The following CFAP54 variants were observed in gnomAD, a reference collection of about 807,000 sequenced individuals.
CFAP54 encodes the protein cilia and flagella associated protein 54.
Under a neutral mutation model 370.4 loss-of-function variants are expected in CFAP54, and 290 were observed. The observed-to-expected ratio is 0.78, with a 90% confidence interval of 0.71 to 0.86. The LOEUF is 0.86. Ranked by LOEUF, CFAP54 falls within the 40% of genes least tolerant of loss-of-function variation. The pLI, the probability that CFAP54 is intolerant of heterozygous loss-of-function variation, is 0.00. For synonymous variants in CFAP54, 1,206 were observed against 1,236.5 expected (o/e 0.98, Z 0.52); for missense variants, 3,399 against 3,528.7 (o/e 0.96, Z 0.93).
intron 11 of CFAP54, among the ~76,000 whole-genome samples, chr12:96,535,048 GTGTGTTTA>G (rs1478196480): frequency 8.6e-5 from 12 of 138,812 alleles, no homozygotes; most frequent in African/African-American, 3.0e-4. Context: ...GTGTGTGTGT[GTGTGTTTA>G]TTTATTTATT....
chr12:96,824,960 A>G (rs1182850799), intron 65 of CFAP54, among the ~76,000 whole-genome samples: 2 of 151,892 alleles, frequency 1.3e-5, no homozygotes, highest in Non-Finnish European at 2.9e-5. Context: ...CACACCTGCA[A>G]TGAGGATCAT....
chr12:96,600,964 C>A (rs1274057895), intron 26 of CFAP54, among the ~76,000 whole-genome samples: 1 of 152,036 alleles, frequency 6.6e-6, no homozygotes, highest in African/African-American at 2.4e-5. Context: ...TTTCTCTTAC[C>A]CGATTGACCT....
At chr12:96,518,880 T>C (rs910211083) in intron 5 of CFAP54, 48 bp from the exon 6 acceptor site, 82 of 1,475,744 alleles carry the variant, frequency 5.6e-5, no homozygotes, top group Non-Finnish European at 7.1e-5. Context: ...CAATTATCAT[T>C]ATTAACTTCA....
rs576257040 is a variant in CFAP54 at position 96,538,671 on chromosome 12, G to A, written c.1926+153G>A. ...ATATAAAGAAGATATTCTTTCTAGC[G>A]CTGAGTGACCCTTTCTTTTAATGTG... On this transcript the variant is annotated intron_variant, in intron 13 of 67. Coordinates refer to ENST00000524981, the MANE Select transcript of CFAP54 (RefSeq NM_001306084.2). 4.3e-5 allele frequency: 31 copies of A among 722,476 alleles called. No individual in the cohort carries two copies. The East Asian group carries it at 6.7e-4, about 16-fold the overall frequency. The allele number at this position is 722,476 out of a possible 1,614,324, so 44.8% of individuals were successfully genotyped here.
At chr12:96,642,002 C>A (rs570226962) in intron 32 of CFAP54, among the ~76,000 whole-genome samples, 42 of 151,648 alleles carry the variant, frequency 2.8e-4, no homozygotes, top group Non-Finnish European at 4.6e-4. Context: ...TGGGTGCAGC[C>A]CACCAACATG....
intron 60 of CFAP54, among the ~76,000 whole-genome samples, chr12:96,784,392 T>A (rs1958609214): frequency 6.6e-6 from 1 of 152,184 alleles, no homozygotes; most frequent in Non-Finnish European, 1.5e-5. Context: ...TTTCTATGAA[T>A]TGCCTGTTGA....
chr12:96,552,966 A>G (rs1955711193), intron 15 of CFAP54, among the ~76,000 whole-genome samples: 1 of 152,194 alleles, frequency 6.6e-6, no homozygotes, highest in Admixed American at 6.5e-5. Context: ...TGAGTTTACC[A>G]GGCATGCTGA....
Position 96,658,082 on chromosome 12 carries a change from CAT to C in CFAP54, c.5302_5303del (p.Ile1768SerfsTer8). 6.2e-7 allele frequency: 1 copy of C among 1,613,194 alleles called. No individual in the cohort carries two copies. ...EKWETLVSLA[I>X]QFNTVSHERY... is the part of the protein sequence containing the mutation. Reference sequence around the variant, plus strand: ...AATGGGAAACACTAGTATCTCTTGCCATTCAGTTCAATACAGTTTCACAGTAA... The same window carrying C: ...AATGGGAAACACTAGTATCTCTTGCCTCAGTTCAATACAGTTTCACAGTAA... On this transcript the variant is annotated frameshift_variant, in exon 37 of 68. Transcript: ENST00000524981. LOFTEE classifies it high-confidence loss of function.
At chr12:96,651,894 G>GTTTTT in intron 36 of CFAP54, 79 bp downstream of exon 36, 2 of 689,816 alleles carry the variant, frequency 2.9e-6, no homozygotes, top group Non-Finnish European at 4.6e-6. Flanking sequence ...AGTAGAAACT[G>GTTTTT]TTTTTTTTTT....
chr12:96,521,312 G>T (rs1380862849), intron 6 of CFAP54, among the ~76,000 whole-genome samples: 1 of 152,168 alleles, frequency 6.6e-6, no homozygotes, highest in African/African-American at 2.4e-5. Context: ...ATGGTGATAT[G>T]ATTAAATAAG....
At chr12:96,617,871 TC>T (rs796404630) in intron 26 of CFAP54, among the ~76,000 whole-genome samples, 11 of 151,114 alleles carry the variant, frequency 7.3e-5, no homozygotes, top group African/African-American at 2.4e-4. Context: ...GCGCCTGTAG[TC>T]CCAGCTACTC....
chr12:96,858,047 T>C (rs1341782585), intron 66 of CFAP54, among the ~76,000 whole-genome samples: 1 of 152,254 alleles, frequency 6.6e-6, no homozygotes, highest in Non-Finnish European at 1.5e-5. Context: ...CTGGGTCTAA[T>C]GATAGTTCCA....
chr12:96,641,938 CG>C (rs943538650), intron 32 of CFAP54, among the ~76,000 whole-genome samples: 1 of 137,734 alleles, frequency 7.3e-6, no homozygotes, highest in African/African-American at 2.7e-5. Context: ...TGGGGTGGTG[CG>C]GGGGGGGAGG....
chr12:96,670,622 G>C (rs372509848), intron 39 of CFAP54, among the ~76,000 whole-genome samples: 41 of 152,288 alleles, frequency 2.7e-4, no homozygotes, highest in African/African-American at 9.6e-4. Context: ...AACAGAGGAA[G>C]AGCAGGACTT....
rs192427825 is a variant in CFAP54 at position 96,577,709 on chromosome 12, A to T, written c.2796+948A>T. 3.1e-3 allele frequency among the ~76,000 whole-genome samples: 477 copies of T among 151,996 alleles called. 3 individuals carry two copies. Among genetic ancestry groups the T allele is most frequent in the African/African-American group, 0.011 (436 of 41,448 alleles). On this transcript the variant is annotated intron_variant, in intron 20 of 67. Coordinates refer to ENST00000524981, the MANE Select transcript of CFAP54 (RefSeq NM_001306084.2). ...TGAGATAATATATAATATTCTTGGC[A>T]TATTAGCTGATATCTTTCCACTTCT... is the stretch of plus-strand genomic sequence containing the variant.
intron 14 of CFAP54, among the ~76,000 whole-genome samples, chr12:96,541,327 C>T (rs1955567547): frequency 1.3e-5 from 2 of 149,704 alleles, no homozygotes; most frequent in African/African-American, 4.9e-5. Flanking sequence ...GCTCTGTTGC[C>T]CAGGCTGGAG....
At chr12:96,726,569 T>C (rs1957840779) in intron 50 of CFAP54, among the ~76,000 whole-genome samples, 1 of 152,140 alleles carries the variant, frequency 6.6e-6, no homozygotes, top group African/African-American at 2.4e-5. Flanking sequence ...TCTCTCTTTT[T>C]TTCTTTATTA....
At chr12:96,766,642 A>G (rs1251957816) in intron 60 of CFAP54, among the ~76,000 whole-genome samples, 1 of 152,156 alleles carries the variant, frequency 6.6e-6, no homozygotes, top group Non-Finnish European at 1.5e-5. Context: ...AATCTACTCT[A>G]GAATCTGAGG....
chr12:96,859,692 A>G (rs1163136628), intron 66 of CFAP54, among the ~76,000 whole-genome samples: 3 of 152,220 alleles, frequency 2.0e-5, no homozygotes, highest in African/African-American at 7.2e-5. Context: ...GGCGTGAGCC[A>G]CCACACCTGA....
Sources: allele counts gnomAD v4.1 joint callset (sites outside exome capture counted in the v4.1 genomes callset), GRCh38; gene constraint gnomAD v4.1.1; transcripts MANE v1.5; gene names NCBI Gene and HGNC (gene_info 2026-07-23, HGNC 2026-07-21).